ANO3: variants seen among roughly 807,000 people sequenced by gnomAD.
ANO3 encodes the protein anoctamin 3, also known as anoctamin-3.
Under a neutral mutation model 144.8 loss-of-function variants are expected in ANO3, and 99 were observed. That is an observed-to-expected ratio of 0.68 (90% CI 0.58 to 0.81). The LOEUF (loss-of-function observed/expected upper bound fraction) is 0.81, where lower values mean the gene tolerates loss of function less well. ANO3 is among the 30% of genes least tolerant of loss of function. The pLI, the probability that ANO3 is intolerant of heterozygous loss-of-function variation, is 0.00. For synonymous variants in ANO3, 414 were observed against 392.6 expected (o/e 1.05, Z -0.64); for missense variants, 905 against 1,202.2 (o/e 0.75, Z 3.66).
At chr11:26,651,775 G>A (rs1853540667) in intron 24 of ANO3, among the ~76,000 whole-genome samples, 1 of 152,076 alleles carries the variant, frequency 6.6e-6, no homozygotes, top group Non-Finnish European at 1.5e-5. Flanking sequence ...GGGTTCTGAG[G>A]GCAAACGTTT....
intron 23 of ANO3, among the ~76,000 whole-genome samples, chr11:26,645,484 A>G (rs533522846): frequency 1.4e-4 from 22 of 152,194 alleles, no homozygotes; most frequent in African/African-American, 4.3e-4. Context: ...CTAATACTGC[A>G]AGGTTATCCT....
chr11:26,517,013 C>T (rs566602803), intron 6 of ANO3, 86 bp downstream of exon 6: 1 of 639,916 alleles, frequency 1.6e-6, no homozygotes, highest in African/African-American at 1.9e-5. Flanking sequence ...AAATGCAACC[C>T]CTTCTACAGA....
intron 14 of ANO3, 87 bp downstream of exon 14, chr11:26,559,866 ACACACAC>A (rs1850217248): frequency 1.1e-6 from 1 of 882,078 alleles, no homozygotes; most frequent in African/African-American, 1.7e-5. Context: ...ACACACACAC[ACACACAC>A]ACCATGAATC....
At chr11:26,532,346 T>G (rs1849395334) in intron 8 of ANO3, among the ~76,000 whole-genome samples, 1 of 152,188 alleles carries the variant, frequency 6.6e-6, no homozygotes, top group Non-Finnish European at 1.5e-5. Context: ...TTCAGCTTTT[T>G]GCTGCACTTT....
intron 4 of ANO3, among the ~76,000 whole-genome samples, chr11:26,497,798 T>C (rs1159952575): frequency 2.6e-5 from 4 of 152,074 alleles, no homozygotes; most frequent in Non-Finnish European, 5.9e-5. Flanking sequence ...AAAATTTTAC[T>C]CCCCAAATTC....
chr11:26,548,170 G>A (rs1378488438), intron 12 of ANO3, among the ~76,000 whole-genome samples: 1 of 121,446 alleles, frequency 8.2e-6, no homozygotes, highest in East Asian at 2.7e-4. Flanking sequence ...ATTTTACTTA[G>A]CATCCACTTA....
In ANO3 at chr11:26,294,253, C is replaced by T. The variant is rs144169555; in HGVS notation, c.155-15392C>T. Reference sequence around the variant, plus strand: ...GTCATCATATTTTCGACATGAATTCCGTAAGACTGTTAGAGAGCCATTGAG... The same window carrying T: ...GTCATCATATTTTCGACATGAATTCTGTAAGACTGTTAGAGAGCCATTGAG... On this transcript the variant is annotated intron_variant, in intron 1 of 27. Coordinates refer to the ANO3 transcript ENST00000672621. Among the ~76,000 whole-genome samples the T allele has an allele frequency of 3.5e-4, 53 of 152,220 alleles. 1 individual carries two copies. In the Middle Eastern group the frequency reaches 0.01, roughly 29 times the overall value.
intron 7 of ANO3, among the ~76,000 whole-genome samples, chr11:26,526,659 G>C (rs1209039739): frequency 6.6e-6 from 1 of 151,986 alleles, no homozygotes; most frequent in African/African-American, 2.4e-5. Context: ...TTAATTTTAG[G>C]CGTGGCAGTA....
intron 1 of ANO3, among the ~76,000 whole-genome samples, chr11:26,339,034 G>A (rs577050943): frequency 2.0e-5 from 3 of 152,192 alleles, no homozygotes; most frequent in South Asian, 2.1e-4. Flanking sequence ...TTATATTATT[G>A]TTCTTATTTT....
At chr11:26,538,339 T>TCATTATGGTATACATAC (rs1435212025) in intron 10 of ANO3, among the ~76,000 whole-genome samples, 1 of 152,200 alleles carries the variant, frequency 6.6e-6, no homozygotes, top group African/African-American at 2.4e-5. Flanking sequence ...ATGTTTATAT[T>TCATTATGGTATACATAC]CATTATGGTA....
chr11:26,232,371 CAG>C (rs1852419665), intron 1 of ANO3, among the ~76,000 whole-genome samples: 1 of 151,958 alleles, frequency 6.6e-6, no homozygotes, highest in Non-Finnish European at 1.5e-5. Context: ...GACAGAAAAA[CAG>C]AGTCAAGAGG....
intron 1 of ANO3, among the ~76,000 whole-genome samples, chr11:26,397,203 T>G (rs1432974911): frequency 8.0e-6 from 1 of 124,584 alleles, no homozygotes; most frequent in Non-Finnish European, 1.7e-5. Flanking sequence ...TACTTAGTAC[T>G]TCAGTTCTCA....
At chr11:26,326,424 T>A (rs1854883499) in intron 1 of ANO3, among the ~76,000 whole-genome samples, 2 of 152,196 alleles carry the variant, frequency 1.3e-5, no homozygotes, top group Admixed American at 1.3e-4. Flanking sequence ...TATGGATGTA[T>A]CTATGCACGT....
At chr11:26,414,845 T>C (rs1417534489) in intron 1 of ANO3, among the ~76,000 whole-genome samples, 2 of 151,854 alleles carry the variant, frequency 1.3e-5, no homozygotes, top group African/African-American at 4.8e-5. Flanking sequence ...TTTTCAATGA[T>C]AAGAAGTGTT....
chr11:26,480,970 CTGAT>C (rs1860192504), intron 4 of ANO3, among the ~76,000 whole-genome samples: 1 of 152,046 alleles, frequency 6.6e-6, no homozygotes, highest in South Asian at 2.1e-4. Context: ...TTCAGTACCT[CTGAT>C]TGTCTATTTA....
At chr11:26,292,716 C>T (rs934709893) in intron 1 of ANO3, among the ~76,000 whole-genome samples, 1 of 152,172 alleles carries the variant, frequency 6.6e-6, no homozygotes, top group African/African-American at 2.4e-5. Flanking sequence ...CCACTCCAGA[C>T]CCAGTTTGCC....
At chr11:26,376,625 T>A (rs1478910340) in intron 1 of ANO3, among the ~76,000 whole-genome samples, 1 of 151,576 alleles carries the variant, frequency 6.6e-6, no homozygotes, top group African/African-American at 2.4e-5. Context: ...AGATCTCTCC[T>A]TAGGGAAAGA....
Position 26,239,908 on chromosome 11 carries a change from G to A in ANO3, c.154+50578G>A, listed in dbSNP as rs568979825. Among the ~76,000 whole-genome samples, 13 of 152,274 alleles carry A rather than the reference G, an allele frequency of 8.5e-5. No homozygotes were observed. In the South Asian group the frequency reaches 1.7e-3, roughly 19 times the overall value. Reference sequence around the variant, plus strand: ...GATTACATGGGAATTGTCGCTTTGCGAAGAAAGAAAATGTATTTATGTCTA... The same window carrying A: ...GATTACATGGGAATTGTCGCTTTGCAAAGAAAGAAAATGTATTTATGTCTA... On this transcript the variant is annotated intron_variant, in intron 1 of 27. Coordinates refer to the ANO3 transcript ENST00000672621.
chr11:26,524,705 A>G (rs1028381128), intron 6 of ANO3, among the ~76,000 whole-genome samples: 2 of 152,192 alleles, frequency 1.3e-5, no homozygotes, highest in African/African-American at 4.8e-5. Flanking sequence ...CTATACCTCT[A>G]CTTAAAACAC....
Sources: gnomAD v4.1 joint callset for allele counts (sites outside exome capture counted in the v4.1 genomes callset) on GRCh38, gnomAD v4.1.1 for gene constraint, MANE v1.5 for transcripts, NCBI Gene and HGNC (gene_info 2026-07-23, HGNC 2026-07-21) for gene names.